DNER: variants seen among roughly 807,000 people sequenced by gnomAD.
DNER encodes the protein delta and Notch-like epidermal growth factor-related receptor.
Under a neutral mutation model 78.2 loss-of-function variants are expected in DNER, and 33 were observed. That is an observed-to-expected ratio of 0.42 (90% confidence interval 0.32 to 0.56). The LOEUF is 0.56. DNER is among the 20% of genes least tolerant of loss of function. DNER has a pLI of 0.11. For missense variants in DNER, 918 were observed against 975.3 expected (o/e 0.94, Z 0.78); for synonymous variants, 417 against 384.8 (o/e 1.08, Z -0.98).
chr2:229,496,560 T>C (rs1695507178), intron 6 of DNER, among the ~76,000 whole-genome samples: 1 of 152,122 alleles, frequency 6.6e-6, no homozygotes, highest in Admixed American at 6.5e-5. Context: ...TACCAGAGAT[T>C]CACTTCACTT....
intron 11 of DNER, among the ~76,000 whole-genome samples, chr2:229,384,686 A>C (rs1162317903): frequency 2.6e-5 from 4 of 152,180 alleles, no homozygotes; most frequent in Non-Finnish European, 4.4e-5. Flanking sequence ...TCCTGGACAC[A>C]TACACCCTCC....
At chr2:229,462,097 T>C (rs778884122) in intron 7 of DNER, among the ~76,000 whole-genome samples, 22 of 152,142 alleles carry the variant, frequency 1.4e-4, no homozygotes, top group South Asian at 4.1e-4. Context: ...ATTTTGTGTT[T>C]GAACCAATAT....
chr2:229,405,271 G>C (rs1168136674), intron 10 of DNER, among the ~76,000 whole-genome samples: 1 of 152,162 alleles, frequency 6.6e-6, no homozygotes, highest in Admixed American at 6.5e-5. Context: ...TCAAGACAAG[G>C]AAATAAATGC....
Position 229,710,553 on chromosome 2 carries a change from C to T in DNER, c.276+3595G>A, listed in dbSNP as rs115184024. On this transcript the variant is annotated intron_variant, in intron 1 of 12. Transcript: ENST00000341772. ...CAAAGTCCTTGGAACAGTGCAGGCA[C>T]GTGGCAAGTGCTTAAAAGGAGGGTA... Among the ~76,000 whole-genome samples the T allele has an allele frequency of 9.2e-3, 1,407 of 152,252 alleles. 23 individuals carry two copies. Among genetic ancestry groups the T allele is most frequent in the African/African-American group, 0.032 (1,331 of 41,546 alleles).
At chr2:229,508,886 GAAAAGAAAAGA>G (rs1695803193) in intron 6 of DNER, among the ~76,000 whole-genome samples, 8 of 138 alleles carry the variant, frequency 0.058, no homozygotes, top group Admixed American at 0.22. Flanking sequence ...ATCTCAAAAA[GAAAAGAAAAGA>G]AAAGAAAAGA....
intron 1 of DNER, among the ~76,000 whole-genome samples, chr2:229,668,530 GTGTGTGTATATATATATATATATATA>G (rs1173835979): frequency 2.7e-3 from 15 of 5,508 alleles, no homozygotes; most frequent in African/African-American, 5.0e-3. Context: ...GTGTGTGTGT[GTGTGTGTATATATATATATATATATA>G]TATATATATA....
intron 10 of DNER, among the ~76,000 whole-genome samples, chr2:229,399,226 T>C (rs919289228): frequency 7.3e-5 from 11 of 151,152 alleles, no homozygotes; most frequent in Non-Finnish European, 1.3e-4. Context: ...CAGGATACAA[T>C]TTAAACATAC....
chr2:229,418,869 C>A (rs1225838966), intron 8 of DNER, among the ~76,000 whole-genome samples: 1 of 151,220 alleles, frequency 6.6e-6, no homozygotes, highest in Non-Finnish European at 1.5e-5. Flanking sequence ...TGCAGTGAGC[C>A]AAGATTGTAC....
intron 9 of DNER, among the ~76,000 whole-genome samples, chr2:229,409,495 G>GA (rs976140125): frequency 1.3e-5 from 2 of 152,112 alleles, no homozygotes; most frequent in African/African-American, 4.8e-5. Context: ...AAACCAGACT[G>GA]AAAAGCAAAT....
intron 8 of DNER, 149 bp from the exon 9 acceptor site, chr2:229,418,379 G>T: frequency 1.8e-6 from 2 of 1,108,052 alleles, no homozygotes; most frequent in Non-Finnish European, 2.5e-6. Flanking sequence ...TTGGGGTAAA[G>T]TTGAAAGGTG....
chr2:229,681,976 C>T (rs936010229), intron 1 of DNER, among the ~76,000 whole-genome samples: 6 of 152,136 alleles, frequency 3.9e-5, no homozygotes. Context: ...TTGCCAGATC[C>T]TCTGCACGTA....
chr2:229,515,272 ATCTTGTCCTT>A (rs1695947408), intron 5 of DNER, among the ~76,000 whole-genome samples: 1 of 152,196 alleles, frequency 6.6e-6, no homozygotes, highest in East Asian at 1.9e-4. Context: ...TCTAAGGACA[ATCTTGTCCTT>A]GCTCAAATGC....
At chr2:229,576,371 T>C (rs972901741) in intron 4 of DNER, among the ~76,000 whole-genome samples, 2 of 151,732 alleles carry the variant, frequency 1.3e-5, no homozygotes, top group Non-Finnish European at 2.9e-5. Flanking sequence ...CTAAAATACT[T>C]TTAATATAAT....
At chr2:229,649,308 T>C (rs1698771775) in intron 1 of DNER, among the ~76,000 whole-genome samples, 1 of 152,226 alleles carries the variant, frequency 6.6e-6, no homozygotes, top group Non-Finnish European at 1.5e-5. Context: ...TTTGGAAATT[T>C]TAACTATACA....
chr2:229,524,111 C>T (rs1040443655), intron 5 of DNER, among the ~76,000 whole-genome samples: 3 of 152,166 alleles, frequency 2.0e-5, no homozygotes, highest in African/African-American at 2.4e-5. Flanking sequence ...TCCGCCAGCT[C>T]GTAAATTGAA....
intron 1 of DNER, among the ~76,000 whole-genome samples, chr2:229,595,209 A>G (rs1574918990): frequency 6.6e-6 from 1 of 151,840 alleles, no homozygotes; most frequent in South Asian, 2.1e-4. Flanking sequence ...TTATTATTCT[A>G]TTTTACAGTT....
intron 1 of DNER, among the ~76,000 whole-genome samples, chr2:229,710,993 A>G (rs1330467853): frequency 6.7e-6 from 1 of 150,236 alleles, no homozygotes; most frequent in African/African-American, 2.5e-5. Context: ...GCACACACAC[A>G]CACACACACA....
chr2:229,618,603 G>C lies in DNER; in HGVS notation c.277-26715C>G, dbSNP rs73107351. ...ACCCCAGTGAATTCTGCCTTAACAA[G>C]GCTTAGTTCTTCCACCAGGGCACCA... is the stretch of plus-strand genomic sequence containing the variant. On this transcript the variant is annotated intron_variant, in intron 1 of 12. Transcript: ENST00000341772. Among the ~76,000 whole-genome samples the C allele has an allele frequency of 9.5e-3, 1,448 of 152,196 alleles. 27 individuals are homozygous for C. Among genetic ancestry groups the C allele is most frequent in the African/African-American group, 0.033 (1,372 of 41,512 alleles).
intron 10 of DNER, among the ~76,000 whole-genome samples, chr2:229,396,512 A>G (rs1693148164): frequency 6.6e-6 from 1 of 152,200 alleles, no homozygotes. Flanking sequence ...GGAATGAGGA[A>G]TTTTTGATTC....
Sources: gnomAD v4.1 joint callset for allele counts (sites outside exome capture counted in the v4.1 genomes callset) on GRCh38, gnomAD v4.1.1 for gene constraint, MANE v1.5 for transcripts, NCBI Gene and HGNC (gene_info 2026-07-23, HGNC 2026-07-21) for gene names.